IDO1: variants seen among roughly 807,000 people sequenced by gnomAD.
IDO1 encodes the protein indolamine 2,3 dioxygenase.
IDO1 carries 35 observed loss-of-function variants against 38.8 expected under a neutral mutation model. That is an observed-to-expected ratio of 0.90 (90% confidence interval 0.69 to 1.20). The LOEUF is 1.20. IDO1 is among the 50% of genes most tolerant of loss of function. The pLI, the probability that IDO1 is intolerant of heterozygous loss-of-function variation, is 0.00. For synonymous variants in IDO1, 171 were observed against 170.0 expected, an observed-to-expected ratio of 1.01 and a Z score of -0.05; for missense variants, 509 against 485.1, an observed-to-expected ratio of 1.05 and a Z score of -0.46.
chr8:39,920,864 A>G (rs1463000103), intron 5 of IDO1: 1 of 152,206 alleles, frequency 6.6e-6, no homozygotes, highest in East Asian at 1.9e-4. Context: ...TAAGGTAAAT[A>G]TCATCAGTAT....
At position 39,922,563 on chromosome 8, in the gene IDO1, T is replaced by C. The variant is rs1463101160; in HGVS notation, c.449T>C (p.Val150Ala). The part of the protein sequence containing the change: ...NKPLTYENMD[V>A]LFSFRDGDCS... ...TCCAATTTCCTCAGGAACATGGACG[T>C]TTTGTTCTCATTTCGTGATGGAGAC... The change falls in exon 6 of 10, where the codon GTT (valine) becomes GCT (alanine). Residue 150 changes from valine to alanine, a missense_variant. Physicochemically the swap from Val to Ala is moderately conservative, Grantham distance 64. Transcript: ENST00000518237. 1.2e-6 allele frequency: 2 copies of C among 1,612,554 alleles called. No homozygotes were observed. Among genetic ancestry groups the C allele is most frequent in the African/African-American group, 1.3e-5 (1 of 75,034 alleles).
intron 6 of IDO1, 119 bp from the exon 7 acceptor site, chr8:39,923,350 G>A (rs1193103856): frequency 5.1e-6 from 3 of 584,010 alleles, no homozygotes. Context: ...CTTGCAGTGA[G>A]CTGAGATCGC....
chr8:39,923,398 C>T (rs1182174209), intron 6 of IDO1, 71 bp from the exon 7 acceptor site: 49 of 839,520 alleles, frequency 5.8e-5, no homozygotes, highest in South Asian at 3.3e-4. Flanking sequence ...AGCGAGACTC[C>T]GTCTCAAAAA....
At chr8:39,924,595 G>A in intron 7 of IDO1, 126 bp from the exon 8 acceptor site, 1 of 674,244 alleles carries the variant, frequency 1.5e-6, no homozygotes, top group Non-Finnish European at 2.7e-6. Flanking sequence ...GCTTTGTTTA[G>A]CATAGACTGA....
chr8:39,927,082 T>C (rs1192356055), intron 9 of IDO1, among the ~76,000 whole-genome samples: 1 of 152,196 alleles, frequency 6.6e-6, no homozygotes, highest in African/African-American at 2.4e-5. Context: ...ATGTACCACA[T>C]TTTCTTTGTC....
At chr8:39,920,957 G>C (rs1807262491) in intron 5 of IDO1, 1 of 152,208 alleles carries the variant, frequency 6.6e-6, no homozygotes, top group South Asian at 2.1e-4. Context: ...ATAAAGATAA[G>C]GCATAAGAAG....
intron 7 of IDO1, chr8:39,923,927 C>T (rs570071173): frequency 9.0e-4 from 141 of 156,230 alleles, no homozygotes; most frequent in African/African-American, 3.1e-3. Flanking sequence ...TTTTAAGTCC[C>T]GAAAAAAAAA....
chr8:39,918,786 A>C (rs1462770850), intron 3 of IDO1, 29 bp from the exon 4 acceptor site: 1 of 1,160,548 alleles, frequency 8.6e-7, no homozygotes, highest in Admixed American at 2.0e-5. Flanking sequence ...CAACAACAAC[A>C]AAAAACCTAA....
chr8:39,922,870 T>C (rs764842579), intron 6 of IDO1: 43 of 539,248 alleles, frequency 8.0e-5, no homozygotes, highest in Non-Finnish European at 1.2e-4. Context: ...GAAACCTCTG[T>C]AGGAGATAAA....
chr8:39,920,008 A>G (rs1475087619), intron 4 of IDO1, 92 bp from the exon 5 acceptor site: 16 of 1,142,722 alleles, frequency 1.4e-5, no homozygotes, highest in East Asian at 2.3e-5. Context: ...GTAGCATTCA[A>G]TCAAATAGCA....
rs369888099 is a variant in IDO1, at chr8:39,927,878, C to T, written c.905C>T (p.Ala302Val). 1 of 1,587,364 alleles carries T rather than the reference C, an allele frequency of 6.3e-7. No homozygotes were observed. The highest frequency in any genetic ancestry group is 1.3e-5 in the African/African-American group (1 of 74,148). Residue 302 changes from alanine (A) to valine (V), a missense_variant, in exon 10 of 10, where the codon GCT becomes GTT. Transcript: ENST00000518237. Reference protein sequence around the residue: ...LQDMRRYMPPAHRNFLCSLES... With the variant: ...LQDMRRYMPPVHRNFLCSLES... ...GACATGAGAAGATATATGCCACCAG[C>T]TCACAGGAACTTCCTGTGCTCATTA...
At chr8:39,925,111 G>T in intron 8 of IDO1, 112 bp from the exon 9 acceptor site, 4 of 1,006,638 alleles carry the variant, frequency 4.0e-6, no homozygotes, top group Non-Finnish European at 5.7e-6. Flanking sequence ...AAAGGATCAT[G>T]AAATCCATCT....
intron 5 of IDO1, among the ~76,000 whole-genome samples, chr8:39,922,336 G>A (rs1339689183): frequency 6.6e-6 from 1 of 152,056 alleles, no homozygotes; most frequent in Non-Finnish European, 1.5e-5. Flanking sequence ...TGAAACTTTA[G>A]GTCTCAGTTT....
rs115833371 is a variant in IDO1, at chr8:39,922,570, C to G, written c.456C>G (p.Phe152Leu). 2.4e-4 allele frequency: 382 copies of G among 1,612,228 alleles called. 1 individual carries two copies. The African/African-American group carries it at 4.7e-3, about 20-fold the overall frequency. The change falls in exon 6 of 10, where the codon TTC (phenylalanine) becomes TTG (leucine). Residue 152 changes from phenylalanine to leucine, a missense_variant. By Grantham distance (22) the Phe-to-Leu change is conservative. Coordinates refer to ENST00000518237, the MANE Select transcript of IDO1 (RefSeq NM_002164.6). The stretch of plus-strand genomic sequence containing the variant: ...TCCTCAGGAACATGGACGTTTTGTT[C>G]TCATTTCGTGATGGAGACTGCAGTA... ...PLTYENMDVL[F>L]SFRDGDCSKG...
chr8:39,916,808 A>C (rs1807181144), intron 1 of IDO1, among the ~76,000 whole-genome samples: 2 of 152,226 alleles, frequency 1.3e-5, no homozygotes, highest in Non-Finnish European at 2.9e-5. Context: ...ATTACTGATT[A>C]AATTTTATAC....
At chr8:39,920,466 C>T (rs1586210864) in intron 5 of IDO1, among the ~76,000 whole-genome samples, 2 of 152,178 alleles carry the variant, frequency 1.3e-5, no homozygotes, top group African/African-American at 2.4e-5. Flanking sequence ...AACCATATAC[C>T]AACTTGTTCT....
Position 39,924,724 on chromosome 8 carries a change from A to G in IDO1, c.659A>G (p.His220Arg). ...AACATATTCCATCTTTTTACAGATCATGTGAACCCAAAAGCATTTTTCAGT... is the reference window on the plus strand; with the variant it reads ...AACATATTCCATCTTTTTACAGATCGTGTGAACCCAAAAGCATTTTTCAGT... ...ALQVFHQIHD[H>R]VNPKAFFSVL... The change falls in exon 8 of 10, where the codon CAT (histidine) becomes CGT (arginine). Residue 220 changes from histidine to arginine, a missense_variant. His to Arg is a conservative substitution (Grantham distance 29). Coordinates refer to ENST00000518237, the MANE Select transcript of IDO1 (RefSeq NM_002164.6). 3.1e-6 allele frequency: 5 copies of G among 1,603,116 alleles called. No homozygotes were observed. The highest frequency in any genetic ancestry group is 4.3e-6 in the Non-Finnish European group (5 of 1,170,582).
At position 39,927,947 on chromosome 8, in the gene IDO1, A is replaced by T. The variant is rs1365938695; in HGVS notation, c.974A>T (p.Asp325Val). Residue 325 changes from aspartate (D) to valine (V), a missense_variant, in exon 10 of 10, where the codon GAT (aspartate) becomes GTT (valine). Transcript: ENST00000518237. The stretch of plus-strand genomic sequence containing the variant: ...CGTGAGTTTGTCCTTTCAAAAGGTG[A>T]TGCTGGCCTGCGGGAAGCTTATGAC... ...SVREFVLSKG[D>V]AGLREAYDAC... 2 of 1,605,980 alleles carry T rather than the reference A, an allele frequency of 1.2e-6. No individual in the cohort carries two copies. Among genetic ancestry groups the T allele is most frequent in the East Asian group, 2.2e-5 (1 of 44,722 alleles).
chr8:39,921,961 A>G (rs1348608514), intron 5 of IDO1, among the ~76,000 whole-genome samples: 1 of 152,204 alleles, frequency 6.6e-6, no homozygotes, highest in East Asian at 1.9e-4. Context: ...CTAGTTTGGG[A>G]ATTTCTAATT....
Sources: allele counts gnomAD v4.1 joint callset (sites outside exome capture counted in the v4.1 genomes callset), GRCh38; gene constraint gnomAD v4.1.1; transcripts MANE v1.5; gene names NCBI Gene and HGNC (gene_info 2026-07-23, HGNC 2026-07-21).